PLPPR1: variants seen among roughly 807,000 people sequenced by gnomAD.
PLPPR1 encodes the protein phospholipid phosphatase-related protein type 1.
In PLPPR1, 10 loss-of-function variants were observed where a neutral mutation model predicts 33.1. The observed-to-expected ratio is 0.30, with a 90% CI of 0.19 to 0.51. The LOEUF (loss-of-function observed/expected upper bound fraction) is 0.51. Ranked by LOEUF, PLPPR1 falls within the 20% of genes least tolerant of loss-of-function variation. The pLI, the probability that PLPPR1 is intolerant of heterozygous loss-of-function variation, is 0.97. For missense variants in PLPPR1, 304 were observed against 408.1 expected (o/e 0.74, Z 2.20); for synonymous variants, 151 against 151.0 (o/e 1.00, Z 0.00).
chr9:101,202,717 T>C (rs942732805), intron 2 of PLPPR1, among the ~76,000 whole-genome samples: 3 of 152,170 alleles, frequency 2.0e-5, no homozygotes, highest in African/African-American at 7.2e-5. Flanking sequence ...ATGCTAGGGA[T>C]TTCTAGAAGG....
At chr9:101,314,297 C>G (rs1311506211) in intron 6 of PLPPR1, among the ~76,000 whole-genome samples, 2 of 152,130 alleles carry the variant, frequency 1.3e-5, no homozygotes, top group East Asian at 3.9e-4. Context: ...TTTTCCTAGC[C>G]CCTCTTCCTT....
intron 1 of PLPPR1, among the ~76,000 whole-genome samples, chr9:101,058,216 G>A (rs1830301620): frequency 6.6e-6 from 1 of 152,064 alleles, no homozygotes; most frequent in Admixed American, 6.6e-5. Flanking sequence ...AAATGGCTTT[G>A]CTGTCTGTGA....
intron 1 of PLPPR1, among the ~76,000 whole-genome samples, chr9:101,072,959 T>C (rs1035555153): frequency 1.3e-5 from 2 of 152,148 alleles, no homozygotes; most frequent in African/African-American, 4.8e-5. Flanking sequence ...TGTGTCCAGA[T>C]TTGTGATGTT....
chr9:101,246,107 TATAGATAG>T (rs1249953933), intron 2 of PLPPR1, among the ~76,000 whole-genome samples: 98 of 98,280 alleles, frequency 1.0e-3, no homozygotes, highest in African/African-American at 2.9e-3. Flanking sequence ...TATATATATA[TATAGATAG>T]ATAGATAGAT....
intron 1 of PLPPR1, among the ~76,000 whole-genome samples, chr9:101,043,262 T>G (rs1368147220): frequency 6.6e-6 from 1 of 151,922 alleles, no homozygotes; most frequent in Non-Finnish European, 1.5e-5. Context: ...GGCTGAGTAG[T>G]ATTCCATCAT....
intron 1 of PLPPR1, among the ~76,000 whole-genome samples, chr9:101,152,747 C>T (rs1227853337): frequency 6.6e-6 from 1 of 152,060 alleles, no homozygotes; most frequent in Non-Finnish European, 1.5e-5. Flanking sequence ...TGTTCTGTTC[C>T]ATTGGTCTGT....
intron 1 of PLPPR1, among the ~76,000 whole-genome samples, chr9:101,066,100 A>G (rs763167411): frequency 2.6e-4 from 39 of 152,046 alleles, no homozygotes; most frequent in Middle Eastern, 6.3e-3. Context: ...GTAGACTGTT[A>G]CAGCTTTTCA....
intron 2 of PLPPR1, among the ~76,000 whole-genome samples, chr9:101,188,208 G>T (rs184510285): frequency 6.6e-5 from 10 of 152,134 alleles, no homozygotes; most frequent in African/African-American, 2.4e-4. Context: ...TGTTTTTGCA[G>T]AAAATATTCT....
chr9:101,133,429 G>T (rs887758641), intron 1 of PLPPR1, among the ~76,000 whole-genome samples: 5 of 152,118 alleles, frequency 3.3e-5, no homozygotes, highest in Non-Finnish European at 7.4e-5. Flanking sequence ...ATATCAAATG[G>T]AACTAAATTT....
At position 101,324,096 on chromosome 9, in the gene PLPPR1, T is replaced by C. The variant is rs779662146; in HGVS notation, c.*39T>C. The C allele has an allele frequency of 6.3e-7, 1 of 1,576,042 alleles. No individual in the cohort carries two copies. The highest frequency in any genetic ancestry group is 1.1e-5 in the South Asian group (1 of 89,724). Reference sequence around the variant, plus strand: ...TCACAAGCTGTTTTTTAAAATCATCTTCCAATTCTATACTTCAAAACACAC... The same window carrying C: ...TCACAAGCTGTTTTTTAAAATCATCCTCCAATTCTATACTTCAAAACACAC... On this transcript the variant is annotated 3_prime_UTR_variant, in exon 8 of 8. Transcript: ENST00000374874.
chr9:101,207,296 G>C (rs1211096294), intron 2 of PLPPR1, among the ~76,000 whole-genome samples: 3 of 152,120 alleles, frequency 2.0e-5, no homozygotes, highest in African/African-American at 7.2e-5. Flanking sequence ...AGACAGGAAA[G>C]GAACTAGAAG....
chr9:101,317,605 T>C, intron 7 of PLPPR1, 109 bp downstream of exon 7: 2 of 1,148,868 alleles, frequency 1.7e-6, no homozygotes, highest in Non-Finnish European at 2.4e-6. Context: ...GAGAATCTGA[T>C]TAATTTATTG....
chr9:101,034,125 T>C (rs1829981823), intron 1 of PLPPR1, among the ~76,000 whole-genome samples: 1 of 151,936 alleles, frequency 6.6e-6, no homozygotes, highest in Non-Finnish European at 1.5e-5. Context: ...GGGCTGTAGG[T>C]ACAGTGAGAA....
intron 2 of PLPPR1, among the ~76,000 whole-genome samples, chr9:101,236,145 A>T (rs551108175): frequency 6.6e-6 from 1 of 151,856 alleles, no homozygotes; most frequent in South Asian, 2.1e-4. Flanking sequence ...CTCTCCATCA[A>T]GTAATTGCCA....
chr9:101,249,698 G>T (rs560048667), intron 2 of PLPPR1, among the ~76,000 whole-genome samples: 8 of 152,024 alleles, frequency 5.3e-5, no homozygotes, highest in African/African-American at 1.9e-4. Context: ...TTGTCTGATC[G>T]TTTAGTTAGG....
In PLPPR1 at chr9:101,040,311, A is replaced by G. The variant is rs1029228671; in HGVS notation, c.-46+11209A>G. On this transcript the variant is annotated intron_variant, in intron 1 of 7. Coordinates refer to ENST00000374874, the MANE Select transcript of PLPPR1 (RefSeq NM_207299.2). Reference sequence around the variant, plus strand: ...CACATATATATGCTTGCACAGAATCATGGAACTGAGGTGTGAATGTTAAGA... The same window carrying G: ...CACATATATATGCTTGCACAGAATCGTGGAACTGAGGTGTGAATGTTAAGA... 3.3e-5 allele frequency among the ~76,000 whole-genome samples: 5 copies of G among 152,128 alleles called. No individual in the cohort carries two copies. In the South Asian group the frequency reaches 8.3e-4, roughly 25 times the overall value.
chr9:101,309,320 C>T lies in PLPPR1; in HGVS notation c.495C>T (p.Thr165=). ...TGACTGTGTGCAAGCCAAACTACAC[C>T]AGTGCAGACTGCCAAGCGCACCACC... is the stretch of plus-strand genomic sequence containing the variant. ...YFLTVCKPNY[T]SADCQAHHQF... Residue 165 remains threonine, a synonymous_variant, in exon 5 of 8, where the codon ACC becomes ACT. Transcript: ENST00000374874. The T allele has an allele frequency of 2.5e-6, 4 of 1,614,152 alleles. No individual in the cohort carries two copies. The highest frequency in any genetic ancestry group is 3.4e-6 in the Non-Finnish European group (4 of 1,180,030).
chr9:101,074,719 G>T (rs1365171823), intron 1 of PLPPR1, among the ~76,000 whole-genome samples: 1 of 151,970 alleles, frequency 6.6e-6, no homozygotes, highest in Non-Finnish European at 1.5e-5. Context: ...ACAGAACACC[G>T]AGAGAATGGT....
At chr9:101,077,260 C>T (rs1474177680) in intron 1 of PLPPR1, among the ~76,000 whole-genome samples, 1 of 152,176 alleles carries the variant, frequency 6.6e-6, no homozygotes, top group African/African-American at 2.4e-5. Flanking sequence ...GACAGGATTC[C>T]TAGGAATGGC....
Sources: allele counts gnomAD v4.1 joint callset (sites outside exome capture counted in the v4.1 genomes callset), GRCh38; gene constraint gnomAD v4.1.1; transcripts MANE v1.5; gene names NCBI Gene and HGNC (gene_info 2026-07-23, HGNC 2026-07-21).